Variants in CTRB1 observed in about 807,000 individuals in gnomAD.
CTRB1 encodes the protein chymotrypsinogen B1, also known as chymotrypsinogen B.
CTRB1 carries 15 observed loss-of-function variants against 20.4 expected under a neutral mutation model. That is an observed-to-expected ratio of 0.74 (90% CI 0.49 to 1.13). The LOEUF (loss-of-function observed/expected upper bound fraction) is 1.13. Ranked by LOEUF, CTRB1 falls within the 50% of genes most tolerant of loss-of-function variation. The pLI, the probability that CTRB1 is intolerant of heterozygous loss-of-function variation, is 0.00. For synonymous variants in CTRB1, 92 were observed against 128.4 expected (o/e 0.72, Z 1.92); for missense variants, 227 against 290.1 (o/e 0.78, Z 1.58).
In CTRB1 at chr16:75,219,040, C is replaced by G. The variant is rs1375143714; in HGVS notation, c.33C>G (p.Ser11=). The part of the protein sequence containing the change: MASLWLLSCF[S]LVGAAFGCGV... Reference sequence around the variant, plus strand: ...CCCTCTGGCTCCTCTCCTGCTTCTCCCTTGTGGGGGCCGCCTTTGGTGAGT... The same window carrying G: ...CCCTCTGGCTCCTCTCCTGCTTCTCGCTTGTGGGGGCCGCCTTTGGTGAGT... Residue 11 remains serine (S), a synonymous_variant, in exon 1 of 7, where the codon TCC becomes TCG. Coordinates refer to ENST00000361017, the MANE Select transcript of CTRB1 (RefSeq NM_001906.6). 1 of 1,593,830 alleles carries G rather than the reference C, an allele frequency of 6.3e-7. No homozygotes were observed. The highest frequency in any genetic ancestry group is 8.5e-7 in the Non-Finnish European group (1 of 1,171,536).
intron 1 of CTRB1, among the ~76,000 whole-genome samples, chr16:75,222,005 G>T (rs1372401455): frequency 1.3e-5 from 2 of 148,694 alleles, no homozygotes; most frequent in Non-Finnish European, 3.0e-5. Flanking sequence ...AGCTTGCAGT[G>T]AGCCAAGATT....
chr16:75,222,083 AAAAG>A (rs1302404993), intron 1 of CTRB1, among the ~76,000 whole-genome samples: 2 of 139,814 alleles, frequency 1.4e-5, no homozygotes, highest in Admixed American at 7.0e-5. Context: ...AAAAAAAAAA[AAAAG>A]GAATTTGAGG....
At chr16:75,222,113 A>G (rs1157245981) in intron 1 of CTRB1, among the ~76,000 whole-genome samples, 14 of 150,488 alleles carry the variant, frequency 9.3e-5, no homozygotes, top group Admixed American at 4.6e-4. Context: ...GTGGGCCATG[A>G]TGACACCACG....
chr16:75,224,274 C>G (rs1229095348), intron 6 of CTRB1, 86 bp downstream of exon 6: 3 of 1,544,074 alleles, frequency 1.9e-6, no homozygotes, highest in Admixed American at 2.0e-5. Context: ...CTCTCATCTA[C>G]TAACCCCACT....
intron 1 of CTRB1, among the ~76,000 whole-genome samples, chr16:75,222,110 A>G (rs1418555528): frequency 6.6e-6 from 1 of 150,758 alleles, no homozygotes; most frequent in Non-Finnish European, 1.5e-5. Context: ...GCAGTGGGCC[A>G]TGATGACACC....
Position 75,222,763 on chromosome 16 carries a change from C to A in CTRB1, c.53-5C>A, listed in dbSNP as rs535281828. On this transcript the variant is annotated splice_polypyrimidine_tract_variant and splice_region_variant and intron_variant, in intron 1 of 6. Coordinates refer to ENST00000361017, the MANE Select transcript of CTRB1 (RefSeq NM_001906.6). ...TCAGCCCTTATTCACCCCACTCCCC[C>A]CCAGGCTGCGGGGTCCCCGCCATCC... The A allele has an allele frequency of 5.0e-5, 78 of 1,557,110 alleles. No individual in the cohort carries two copies. The highest frequency in any genetic ancestry group is 1.8e-4 in the Admixed American group (9 of 51,422).
At position 75,222,764 on chromosome 16, in the gene CTRB1, C is replaced by T. The variant is rs369595328; in HGVS notation, c.53-4C>T. The T allele has an allele frequency of 1.2e-5, 18 of 1,557,134 alleles. No homozygotes were observed. Among genetic ancestry groups the T allele is most frequent in the Admixed American group, 9.7e-5 (5 of 51,424 alleles). On this transcript the variant is annotated splice_polypyrimidine_tract_variant and splice_region_variant and intron_variant, in intron 1 of 6. Transcript: ENST00000361017. ...CAGCCCTTATTCACCCCACTCCCCC[C>T]CAGGCTGCGGGGTCCCCGCCATCCA...
In CTRB1 at chr16:75,224,805, G is replaced by A; in HGVS notation, c.731G>A (p.Gly244Asp). Reference protein sequence around the residue: ...GSDTCSTSSPGVYARVTKLIP... With the variant: ...GSDTCSTSSPDVYARVTKLIP... ...GACACCTGCTCCACCTCCAGCCCTG[G>A]CGTGTACGCCCGTGTCACCAAGCTC... Residue 244 changes from glycine to aspartate, a missense_variant, in exon 7 of 7, where the codon GGC becomes GAC. This residue lies in a region of CTRB1 where 108 missense variants were observed against 76.9 expected (regional missense o/e 1.41). Coordinates refer to ENST00000361017, the MANE Select transcript of CTRB1 (RefSeq NM_001906.6). 1 of 1,614,036 alleles carries A rather than the reference G, an allele frequency of 6.2e-7. No homozygotes were observed. The highest frequency in any genetic ancestry group is 1.1e-5 in the South Asian group (1 of 91,088).
At chr16:75,219,548 A>T (rs1313591199) in intron 1 of CTRB1, among the ~76,000 whole-genome samples, 4 of 151,584 alleles carry the variant, frequency 2.6e-5, no homozygotes, top group Non-Finnish European at 5.9e-5. Flanking sequence ...TGGACCACCA[A>T]CCCTGGCTAA....
At chr16:75,222,596 G>C in intron 1 of CTRB1, 172 bp from the exon 2 acceptor site, 1 of 672,676 alleles carries the variant, frequency 1.5e-6, no homozygotes, top group Non-Finnish European at 2.5e-6. Context: ...GCCGAGAGTT[G>C]GGAACGTTTG....
rs745504795 is a variant in CTRB1 at position 75,224,784 on chromosome 16, C to G, written c.710C>G (p.Thr237Ser). 1 of 1,613,996 alleles carries G rather than the reference C, an allele frequency of 6.2e-7. No homozygotes were observed. The highest frequency in any genetic ancestry group is 8.5e-7 in the Non-Finnish European group (1 of 1,180,030). ...GGCATTGTGTCCTGGGGCAGCGACA[C>G]CTGCTCCACCTCCAGCCCTGGCGTG... ...LVGIVSWGSDTCSTSSPGVYA... is the reference protein window; with the variant it reads ...LVGIVSWGSDSCSTSSPGVYA... Residue 237 changes from threonine to serine, a missense_variant, in exon 7 of 7, where the codon ACC (threonine) becomes AGC (serine). By Grantham distance (58) the Thr-to-Ser change is moderately conservative. Around this residue, in one of 4 missense-constraint regions of CTRB1, gnomAD observed 108 missense variants for 76.9 expected, o/e 1.41. Transcript: ENST00000361017.
intron 1 of CTRB1, among the ~76,000 whole-genome samples, chr16:75,219,995 T>C (rs1017498081): frequency 6.6e-6 from 1 of 152,124 alleles, no homozygotes; most frequent in Admixed American, 6.5e-5. Context: ...TGGTTTTGGT[T>C]TTGGTTTTGG....
chr16:75,224,033 T>C (rs1368454608), intron 5 of CTRB1, 22 bp from the exon 6 acceptor site: 1 of 908,376 alleles, frequency 1.1e-6, no homozygotes, highest in Non-Finnish European at 1.6e-6. Context: ...CCAGGGGCCC[T>C]GACCCTCCTC....
intron 1 of CTRB1, among the ~76,000 whole-genome samples, chr16:75,220,237 G>A (rs925222282): frequency 3.9e-5 from 6 of 152,252 alleles, no homozygotes; most frequent in African/African-American, 1.4e-4. Context: ...AGGCTGGAGT[G>A]CAGTGGCGTG....
chr16:75,224,426 C>T (rs759887226), intron 6 of CTRB1, among the ~76,000 whole-genome samples: 3 of 152,226 alleles, frequency 2.0e-5, no homozygotes, highest in Non-Finnish European at 4.4e-5. Flanking sequence ...CTCCCTCACA[C>T]GGACCCCTTG....
chr16:75,224,505 A>G (rs540986338), intron 6 of CTRB1, among the ~76,000 whole-genome samples, 200 bp from the exon 7 acceptor site: 6 of 152,344 alleles, frequency 3.9e-5, no homozygotes, highest in Non-Finnish European at 8.8e-5. Context: ...AAAGGGTCCC[A>G]TTCCAGGGCT....
chr16:75,221,601 C>A (rs1375746772), intron 1 of CTRB1, among the ~76,000 whole-genome samples: 1 of 151,962 alleles, frequency 6.6e-6, no homozygotes. Context: ...CTCAGGTGAT[C>A]CACCCCGCTT....
Position 75,218,994 on chromosome 16 carries a change from T to A in CTRB1, c.-14T>A. The A allele has an allele frequency of 6.3e-7, 1 of 1,578,074 alleles. No individual in the cohort carries two copies. The highest frequency in any genetic ancestry group is 8.6e-7 in the Non-Finnish European group (1 of 1,163,872). ...CCCGCAGCTGGCAGGCCCCACACCT[T>A]CTGAGGCAGCGGCATGGCTTCCCTC... On this transcript the variant is annotated 5_prime_UTR_variant, in exon 1 of 7. Coordinates refer to ENST00000361017, the MANE Select transcript of CTRB1 (RefSeq NM_001906.6).
In CTRB1 at chr16:75,219,034, C is replaced by A; in HGVS notation, c.27C>A (p.Cys9Ter). The A allele has an allele frequency of 6.3e-7, 1 of 1,593,780 alleles. No homozygotes were observed. The highest frequency in any genetic ancestry group is 8.5e-7 in the Non-Finnish European group (1 of 1,171,612). ...TGGCTTCCCTCTGGCTCCTCTCCTG[C>A]TTCTCCCTTGTGGGGGCCGCCTTTG... is the stretch of plus-strand genomic sequence containing the variant. MASLWLLS[C>*]FSLVGAAFGC... Residue 9 changes from cysteine (C) to a stop codon, truncating the protein, a stop_gained, in exon 1 of 7, where the codon TGC becomes TGA. Coordinates refer to ENST00000361017, the MANE Select transcript of CTRB1 (RefSeq NM_001906.6). LOFTEE classifies it high-confidence loss of function.
Sources: allele counts gnomAD v4.1 joint callset (sites outside exome capture counted in the v4.1 genomes callset), GRCh38; gene constraint gnomAD v4.1.1; regional missense constraint gnomAD v4.1.1; transcripts MANE v1.5; gene names NCBI Gene and HGNC (gene_info 2026-07-23, HGNC 2026-07-21).